NKAIN4: variants seen among roughly 807,000 people sequenced by gnomAD.
NKAIN4 encodes sodium/potassium transporting ATPase interacting 4.
NKAIN4 carries 28 observed loss-of-function variants against 28.8 expected under a neutral mutation model. The observed-to-expected ratio is 0.97, with a 90% CI of 0.72 to 1.33. The LOEUF is 1.33. Ranked by LOEUF, NKAIN4 falls within the 40% of genes most tolerant of loss-of-function variation. The probability of loss-of-function intolerance (pLI) is 0.00; values close to 1 mark genes in which losing one functional copy is unlikely to be tolerated. For synonymous variants in NKAIN4, 122 were observed against 115.6 expected, an observed-to-expected ratio of 1.06 and a Z score of -0.36; for missense variants, 289 against 277.2, an observed-to-expected ratio of 1.04 and a Z score of -0.30.
chr20:63,254,681 G>C (rs6090334), upstream of NKAIN4: 285,375 of 330,618 alleles, frequency 0.86, 123,500 homozygotes, highest in East Asian at 0.92. Context: ...GAGGGGGACC[G>C]TTCTTAAAGG....
chr20:63,243,932 G>T, intron 5 of NKAIN4, 92 bp downstream of exon 5: 1 of 1,066,530 alleles, frequency 9.4e-7, no homozygotes, highest in Non-Finnish European at 1.4e-6. Context: ...CAAGTGGGGA[G>T]GTCTCTCGCC....
intron 4 of NKAIN4, 126 bp from the exon 5 acceptor site, chr20:63,244,210 G>C: frequency 1.3e-6 from 1 of 773,090 alleles, no homozygotes; most frequent in Non-Finnish European, 2.2e-6. Context: ...CTGGACCTCA[G>C]GTTCCTCCTC....
Position 63,252,455 on chromosome 20 carries a change from C to T in NKAIN4, c.54+1942G>A, listed in dbSNP as rs6062866. Among the ~76,000 whole-genome samples, 44,437 of 150,958 alleles carry T rather than the reference C, an allele frequency of 0.29. 7,644 individuals are homozygous for T. Among genetic ancestry groups the T allele is most frequent in the East Asian group, 0.54 (2,745 of 5,128 alleles). On this transcript the variant is annotated intron_variant, in intron 1 of 6. Transcript: ENST00000370316. This position sits in a 1 kb window ranked among gnomAD's most constrained non-coding sequence, Gnocchi z 4.6. ...GTAGCTTGGTAACACAAAATTCTCA[C>T]ACTTGTCAAAAAAAAAAAGGGGCTA...
intron 2 of NKAIN4, chr20:63,249,141 C>A (rs1298395773): frequency 7.7e-6 from 4 of 516,562 alleles, no homozygotes; most frequent in Admixed American, 3.2e-5. Context: ...CTCAAGGGAG[C>A]CCCAGCGCAG....
chr20:63,254,437 G>A lies in NKAIN4; in HGVS notation c.14C>T (p.Ser5Phe). The A allele has an allele frequency of 1.4e-6, 2 of 1,416,178 alleles. No individual in the cohort carries two copies. The highest frequency in any genetic ancestry group is 3.1e-5 in the East Asian group (1 of 32,576). The allele number at this position is 1,416,178 out of a possible 1,614,324, so 87.7% of individuals were successfully genotyped here. A position where few individuals can be genotyped will look rare whatever the true frequency, so the allele number is the denominator to read the frequency against. MGSC[S>F]GRCALVVLCA... is the part of the protein sequence containing the mutation. ...GAGGACGACGAGCGCGCAGCGGCCG[G>A]AGCAGGAGCCCATGGTGCCCGCCTA... Residue 5 changes from serine (S) to phenylalanine (F), a missense_variant, in exon 1 of 7, where the codon TCC (serine) becomes TTC (phenylalanine). Ser to Phe is a radical substitution (Grantham distance 155). Transcript: ENST00000370316.
intron 1 of NKAIN4, chr20:63,254,116 G>A: frequency 2.2e-6 from 1 of 448,428 alleles, no homozygotes; most frequent in Non-Finnish European, 4.1e-6. Flanking sequence ...CGTCCGGCCA[G>A]CCCATCCAGC....
chr20:63,253,649 G>A (rs572197835), intron 1 of NKAIN4, among the ~76,000 whole-genome samples: 135 of 152,312 alleles, frequency 8.9e-4, no homozygotes, highest in Middle Eastern at 3.4e-3. Context: ...CCCCTCCCCC[G>A]AGGGCACCGG....
At chr20:63,254,599 C>T (rs1028795853), upstream of NKAIN4, 1 of 550,084 alleles carries the variant, frequency 1.8e-6, no homozygotes, top group Non-Finnish European at 2.7e-6. Flanking sequence ...AGCCCCAGCC[C>T]CGGGTAACAG....
intron 4 of NKAIN4, chr20:63,244,497 A>C (rs762838127): frequency 1.1e-5 from 5 of 475,560 alleles, no homozygotes; most frequent in South Asian, 7.7e-5. Flanking sequence ...TCCAGCCAGC[A>C]GCCACCAGGG....
intron 1 of NKAIN4, among the ~76,000 whole-genome samples, chr20:63,250,326 G>T (rs1365876508): frequency 6.6e-6 from 1 of 152,200 alleles, no homozygotes; most frequent in Non-Finnish European, 1.5e-5. Flanking sequence ...GCCCCCTTGT[G>T]TCCCCGTGTG....
At position 63,247,910 on chromosome 20, in the gene NKAIN4, C is replaced by A. The variant is rs563145005; in HGVS notation, c.274-135G>T. 78 of 1,244,406 alleles carry A rather than the reference C, an allele frequency of 6.3e-5. No homozygotes were observed. In the South Asian group the frequency reaches 1.6e-3, roughly 26 times the overall value. The allele number at this position is 1,244,406 out of a possible 1,614,324, so 77.1% of individuals were successfully genotyped here. A position where few individuals can be genotyped will look rare whatever the true frequency, so the allele number is the denominator to read the frequency against. On this transcript the variant is annotated intron_variant, in intron 3 of 6. Coordinates refer to ENST00000370316, the MANE Select transcript of NKAIN4 (RefSeq NM_152864.4). ...TCTCACCTCCCCTGTCCTCCCACTG[C>A]ACCCCGCCCCCAGGGCTCCAGCCAT... is the stretch of plus-strand genomic sequence containing the variant.
rs1488653500 is a variant in NKAIN4, at chr20:63,252,283, C to T, written c.54+2114G>A. Among the ~76,000 whole-genome samples the T allele has an allele frequency of 1.3e-5, 2 of 152,086 alleles. No individual in the cohort carries two copies. The highest frequency in any genetic ancestry group is 4.8e-5 in the African/African-American group (2 of 41,406). On this transcript the variant is annotated intron_variant, in intron 1 of 6. Coordinates refer to ENST00000370316, the MANE Select transcript of NKAIN4 (RefSeq NM_152864.4). The surrounding 1 kb of genome is among the most constrained non-coding windows in gnomAD (Gnocchi z 4.6). Reference sequence around the variant, plus strand: ...CCAGGACCCAGCCCCAAACCCCTTCCTGGGCCTTTGGCTCCCAGGGTCTCC... The same window carrying T: ...CCAGGACCCAGCCCCAAACCCCTTCTTGGGCCTTTGGCTCCCAGGGTCTCC...
chr20:63,244,128 C>G, intron 4 of NKAIN4, 44 bp from the exon 5 acceptor site: 1 of 1,583,928 alleles, frequency 6.3e-7, no homozygotes, highest in Non-Finnish European at 8.6e-7. Context: ...GCCAGGCGAG[C>G]CTGTGGGGTG....
At chr20:63,244,208 C>G in intron 4 of NKAIN4, 124 bp from the exon 5 acceptor site, 1 of 773,362 alleles carries the variant, frequency 1.3e-6, no homozygotes, top group Non-Finnish European at 2.2e-6. Flanking sequence ...TCCTGGACCT[C>G]AGGTTCCTCC....
In NKAIN4 at chr20:63,241,390, G is replaced by A. The variant is rs1238491312; in HGVS notation, c.*107C>T. ...CAGGGCAGGTGCTGCCGGCCGCCTG[G>A]GGGGTGCTGGGTGGGGGCGCGTCCC... On this transcript the variant is annotated 3_prime_UTR_variant, in exon 7 of 7. Transcript: ENST00000370316. 8.1e-7 allele frequency: 1 copy of A among 1,232,238 alleles called. No homozygotes were observed. The highest frequency in any genetic ancestry group is 2.0e-5 in the Admixed American group (1 of 50,148). The allele number at this position is 1,232,238 out of a possible 1,614,324, so 76.3% of individuals were successfully genotyped here. A position where few individuals can be genotyped will look rare whatever the true frequency, so the allele number is the denominator to read the frequency against.
In NKAIN4 at chr20:63,248,179, C is replaced by T. The variant is rs533656583; in HGVS notation, c.274-404G>A. On this transcript the variant is annotated intron_variant, in intron 3 of 6. Coordinates refer to ENST00000370316, the MANE Select transcript of NKAIN4 (RefSeq NM_152864.4). ...GGGGGCCCGTCTGCCTGGCTGGGCA[C>T]CTGCCCCAGTGCCCACCTGTGCTAC... is the stretch of plus-strand genomic sequence containing the variant. The T allele has an allele frequency of 7.4e-4, 126 of 169,172 alleles. 2 individuals are homozygous for T. Among genetic ancestry groups the T allele is most frequent in the South Asian group, 7.3e-3 (41 of 5,620 alleles). The allele number at this position is 169,172 out of a possible 1,614,324, so 10.5% of individuals were successfully genotyped here.
chr20:63,250,679 G>A (rs111692046), intron 1 of NKAIN4, among the ~76,000 whole-genome samples: 2,373 of 152,210 alleles, frequency 0.016, 48 homozygotes, highest in African/African-American at 0.041. Flanking sequence ...ACACAGGGCC[G>A]AGAGAGAACC....
chr20:63,241,896 C>A, intron 6 of NKAIN4: 1 of 383,330 alleles, frequency 2.6e-6, no homozygotes, highest in East Asian at 6.7e-5. Flanking sequence ...CGGCCCCTGC[C>A]GGGACAGCCC....
Position 63,247,603 on chromosome 20 carries a change from T to C in NKAIN4, c.446A>G (p.His149Arg). ...CGCGATCAGGATCTGCAGGCAACTG[T>C]GTAGGGCCTCCACATAGCTGGGCTC... ...ALEPSYVEALHSCLQILIALL... is the reference protein window; with the variant it reads ...ALEPSYVEALRSCLQILIALL... The change falls in exon 4 of 7, where the codon CAC (histidine) becomes CGC (arginine). Residue 149 changes from histidine (H) to arginine (R), a missense_variant. By Grantham distance (29) the His-to-Arg change is conservative. Transcript: ENST00000370316. 2 of 1,547,964 alleles carry C rather than the reference T, an allele frequency of 1.3e-6. No homozygotes were observed. The highest frequency in any genetic ancestry group is 2.4e-5 in the East Asian group (1 of 40,842).
Sources: gnomAD v4.1 joint callset for allele counts (sites outside exome capture counted in the v4.1 genomes callset) on GRCh38, gnomAD v4.1.1 for gene constraint, Gnocchi (gnomAD v3.1) non-coding constraint, MANE v1.5 for transcripts, NCBI Gene and HGNC (gene_info 2026-07-23, HGNC 2026-07-21) for gene names.